GRIP2: variants seen among roughly 807,000 people sequenced by gnomAD.
GRIP2 encodes the protein glutamate receptor-interacting protein 2.
In GRIP2, 58 loss-of-function variants were observed where a neutral mutation model predicts 108.3. The ratio of observed to expected loss-of-function variants is 0.54; its 90% CI spans 0.43 to 0.67. The LOEUF is 0.67. GRIP2 is among the 30% of genes least tolerant of loss of function. GRIP2 has a pLI of 0.00. For synonymous variants in GRIP2, 586 were observed against 598.2 expected (o/e 0.98, Z 0.30); for missense variants, 1,278 against 1,430.6 (o/e 0.89, Z 1.72).
At chr3:14,501,111 G>A (rs1693753177) in intron 21 of GRIP2, among the ~76,000 whole-genome samples, 1 of 152,162 alleles carries the variant, frequency 6.6e-6, no homozygotes, top group Non-Finnish European at 1.5e-5. Flanking sequence ...AAAAAAGCCA[G>A]ACACAAAAAG....
At chr3:14,566,414 C>T in the GRIP2 span, among the ~76,000 whole-genome samples, 2 of 152,228 alleles carry the variant, frequency 1.3e-5, no homozygotes, top group Non-Finnish European at 2.9e-5. Flanking sequence ...TCAGGAAGCC[C>T]CAGATGGTAG....
chr3:14,499,574 T>C (rs1219610336), intron 21 of GRIP2, among the ~76,000 whole-genome samples: 1 of 147,146 alleles, frequency 6.8e-6, no homozygotes, highest in Non-Finnish European at 1.5e-5. Context: ...AAAAAAAAAA[T>C]TAACCAAGCG....
the GRIP2 span, among the ~76,000 whole-genome samples, chr3:14,592,253 T>G: frequency 1.3e-5 from 2 of 152,176 alleles, no homozygotes; most frequent in South Asian, 4.1e-4. Flanking sequence ...GATAGGACCA[T>G]GCAGAAGTAA....
chr3:14,564,368 C>G, the GRIP2 span, among the ~76,000 whole-genome samples: 1 of 152,238 alleles, frequency 6.6e-6, no homozygotes, highest in Non-Finnish European at 1.5e-5. Flanking sequence ...TCCACCGGGG[C>G]TCCTCCTCAA....
At chr3:14,573,046 T>C in the GRIP2 span, 1 of 1,385,576 alleles carries the variant, frequency 7.2e-7, no homozygotes, top group South Asian at 1.2e-5. Context: ...TTGCTGAAGC[T>C]GATGTAGCGC....
At chr3:14,584,952 T>C in the GRIP2 span, among the ~76,000 whole-genome samples, 2 of 152,238 alleles carry the variant, frequency 1.3e-5, no homozygotes, top group African/African-American at 4.8e-5. Context: ...CTGCCACCTC[T>C]TTCCAGGATG....
exon 1 of GRIP2, chr3:14,555,940 T>A: frequency 2.5e-6 from 1 of 399,548 alleles, no homozygotes. Flanking sequence ...GCCACTTGAG[T>A]GACACCGCCA....
Position 14,496,580 on chromosome 3 carries a change from T to C in GRIP2, c.2680-20A>G. 1.3e-6 allele frequency: 2 copies of C among 1,587,358 alleles called. No individual in the cohort carries two copies. Among genetic ancestry groups the C allele is most frequent in the Non-Finnish European group, 8.6e-7 (1 of 1,162,040 alleles). On this transcript the variant is annotated intron_variant, in intron 21 of 23. Coordinates refer to ENST00000621039, the MANE Select transcript of GRIP2 (RefSeq NM_001080423.4). ...GGATGCCTGCAAGGAACACGGCCTT[T>C]CTTTCAGATGCTTGTTGGCTTGCCC...
At chr3:14,542,648 G>C (rs1274025885), upstream of GRIP2, among the ~76,000 whole-genome samples, 1 of 152,208 alleles carries the variant, frequency 6.6e-6, no homozygotes, top group East Asian at 1.9e-4. Flanking sequence ...TTATGGGAGA[G>C]CTTCTGTGGC....
chr3:14,544,594 G>A (rs1695029515), upstream of GRIP2, among the ~76,000 whole-genome samples: 1 of 152,184 alleles, frequency 6.6e-6, no homozygotes, highest in African/African-American at 2.4e-5. Context: ...TGAAGTCTGG[G>A]TGAGAGGGAG....
the GRIP2 span, among the ~76,000 whole-genome samples, chr3:14,590,568 C>A: frequency 6.6e-6 from 1 of 152,200 alleles, no homozygotes; most frequent in Non-Finnish European, 1.5e-5. Context: ...AAATGCTGAG[C>A]AAATGCTCCT....
chr3:14,598,364 A>G, the GRIP2 span, among the ~76,000 whole-genome samples: 4 of 151,572 alleles, frequency 2.6e-5, no homozygotes, highest in Non-Finnish European at 5.9e-5. Context: ...ACACACACAC[A>G]CACGCACACA....
the GRIP2 span, among the ~76,000 whole-genome samples, chr3:14,588,525 G>A: frequency 5.7e-4 from 87 of 152,194 alleles, no homozygotes; most frequent in African/African-American, 2.0e-3. Context: ...GGTGGCCACT[G>A]ATGTGTACCC....
At chr3:14,549,884 C>G (rs1695116822) in intron 1 of GRIP2, among the ~76,000 whole-genome samples, 1 of 152,172 alleles carries the variant, frequency 6.6e-6, no homozygotes, top group East Asian at 1.9e-4. Context: ...GTGGTGATCA[C>G]CAGATTCTGT....
rs1701345012 is a variant in GRIP2, at chr3:14,491,876, G to A, written c.*1789C>T. On this transcript the variant is annotated 3_prime_UTR_variant, in exon 24 of 24. Transcript: ENST00000621039. Reference sequence around the variant, plus strand: ...TCTTGGCTTTCACTTGGTGCCCTGTGACAGGTAGACAGTGCCCTTTCACTC... The same window carrying A: ...TCTTGGCTTTCACTTGGTGCCCTGTAACAGGTAGACAGTGCCCTTTCACTC... 2 of 152,274 alleles carry A rather than the reference G, an allele frequency of 1.3e-5. No individual in the cohort carries two copies. The highest frequency in any genetic ancestry group is 6.5e-5 in the Admixed American group (1 of 15,282). 9.4% of individuals were successfully genotyped at this position (152,274 alleles called of 1,614,324 possible).
intron 1 of GRIP2, among the ~76,000 whole-genome samples, chr3:14,538,178 G>A (rs983487804): frequency 7.9e-5 from 12 of 152,178 alleles, no homozygotes; most frequent in Admixed American, 6.5e-4. Context: ...ACTCACTGAC[G>A]CACACTGCCA....
the GRIP2 span, among the ~76,000 whole-genome samples, chr3:14,601,091 C>G: frequency 1.3e-5 from 2 of 151,330 alleles, no homozygotes; most frequent in African/African-American, 4.9e-5. Flanking sequence ...CACACACACA[C>G]GAACACACAC....
chr3:14,588,725 T>C, the GRIP2 span, among the ~76,000 whole-genome samples: 1 of 152,210 alleles, frequency 6.6e-6, no homozygotes, highest in Non-Finnish European at 1.5e-5. Flanking sequence ...CCTGGGAGAA[T>C]TCATTTTTCA....
At chr3:14,537,645 T>TC (rs1445709065) in intron 1 of GRIP2, among the ~76,000 whole-genome samples, 1 of 152,012 alleles carries the variant, frequency 6.6e-6, no homozygotes, top group African/African-American at 2.4e-5. Flanking sequence ...AGGCGAAGGA[T>TC]CCCCCATGGC....
Sources: gnomAD v4.1 joint callset for allele counts (sites outside exome capture counted in the v4.1 genomes callset) on GRCh38, gnomAD v4.1.1 for gene constraint, MANE v1.5 for transcripts, NCBI Gene and HGNC (gene_info 2026-07-23, HGNC 2026-07-21) for gene names.